The following PRKD1 variants were observed in gnomAD, a reference collection of about 807,000 sequenced individuals.
PRKD1 encodes the protein protein kinase D1.
PRKD1 carries 63 observed loss-of-function variants against 95.9 expected under a neutral mutation model. The observed-to-expected ratio is 0.66, with a 90% confidence interval of 0.54 to 0.81. PRKD1 has a LOEUF of 0.81. PRKD1 is among the 30% of genes least tolerant of loss of function. The pLI is 0.00. For missense variants in PRKD1, 1,048 were observed against 1,165.3 expected, an observed-to-expected ratio of 0.90 and a Z score of 1.47; for synonymous variants, 425 against 423.1, an observed-to-expected ratio of 1.00 and a Z score of -0.05.
intron 16 of PRKD1, among the ~76,000 whole-genome samples, chr14:29,595,890 A>G (rs1306842013): frequency 2.0e-5 from 3 of 152,236 alleles, no homozygotes; most frequent in African/African-American, 7.2e-5. Flanking sequence ...GGTTAGCTGT[A>G]TTTAGATGTA....
At chr14:29,909,306 G>A (rs748697629) in intron 1 of PRKD1, among the ~76,000 whole-genome samples, 2 of 72,382 alleles carry the variant, frequency 2.8e-5, no homozygotes, top group Non-Finnish European at 5.3e-5. Context: ...GCCCCCCATG[G>A]GCTCCTGCAC....
At chr14:29,786,724 T>G (rs964715261) in intron 1 of PRKD1, among the ~76,000 whole-genome samples, 7 of 152,116 alleles carry the variant, frequency 4.6e-5, no homozygotes, top group African/African-American at 1.7e-4. Flanking sequence ...TTGGGTTTTC[T>G]CTCTTGTTCT....
intron 1 of PRKD1, among the ~76,000 whole-genome samples, chr14:29,815,769 C>T (rs1394621488): frequency 6.6e-6 from 1 of 152,170 alleles, no homozygotes; most frequent in African/African-American, 2.4e-5. Flanking sequence ...TGTTTATTTT[C>T]CAGTAAACTA....
At chr14:29,845,000 A>G (rs1258934660) in intron 1 of PRKD1, among the ~76,000 whole-genome samples, 2 of 152,222 alleles carry the variant, frequency 1.3e-5, no homozygotes, top group Non-Finnish European at 2.9e-5. Flanking sequence ...GCAAGGAAAT[A>G]CAGTCTTTAC....
intron 2 of PRKD1, among the ~76,000 whole-genome samples, chr14:29,681,744 C>CT (rs1222316849): frequency 2.7e-4 from 41 of 152,132 alleles, no homozygotes; most frequent in African/African-American, 9.2e-4. Flanking sequence ...AAATAATAAA[C>CT]TGAGAAAGTT....
chr14:29,752,162 G>T (rs1887505540), intron 1 of PRKD1, among the ~76,000 whole-genome samples: 2 of 152,042 alleles, frequency 1.3e-5, no homozygotes, highest in Admixed American at 1.3e-4. Flanking sequence ...GATATATTTA[G>T]CTATACAGAA....
At chr14:29,661,430 T>C (rs1882183327) in intron 4 of PRKD1, among the ~76,000 whole-genome samples, 1 of 152,158 alleles carries the variant, frequency 6.6e-6, no homozygotes, top group South Asian at 2.1e-4. Flanking sequence ...TTTTAAACTA[T>C]AGTTATTGGT....
At chr14:29,656,483 C>A in intron 4 of PRKD1, 1 of 1,535,474 alleles carries the variant, frequency 6.5e-7, no homozygotes, top group Non-Finnish European at 8.7e-7. Context: ...TACCTCAAAG[C>A]CAGGACTCAC....
intron 1 of PRKD1, among the ~76,000 whole-genome samples, chr14:29,889,734 T>C (rs1425864714): frequency 6.6e-6 from 1 of 152,138 alleles, no homozygotes; most frequent in East Asian, 1.9e-4. Flanking sequence ...CATCAGAGCC[T>C]GCCGGATGTG....
intron 1 of PRKD1, among the ~76,000 whole-genome samples, chr14:29,841,465 G>T (rs997707135): frequency 6.6e-6 from 1 of 152,164 alleles, no homozygotes; most frequent in Non-Finnish European, 1.5e-5. Flanking sequence ...AATCATGAGG[G>T]TGGGTCTTTC....
intron 16 of PRKD1, among the ~76,000 whole-genome samples, chr14:29,596,610 C>T (rs1278638533): frequency 6.6e-6 from 1 of 152,140 alleles, no homozygotes; most frequent in Non-Finnish European, 1.5e-5. Context: ...CGTGCCACCA[C>T]GCTCAGCTAA....
At chr14:29,791,929 G>C (rs1239301488) in intron 1 of PRKD1, among the ~76,000 whole-genome samples, 1 of 152,094 alleles carries the variant, frequency 6.6e-6, no homozygotes, top group Non-Finnish European at 1.5e-5. Context: ...GTTTTCCAAA[G>C]TGATTGTGGT....
At chr14:29,626,723 T>TG (rs1243213217) in intron 11 of PRKD1, among the ~76,000 whole-genome samples, 167 bp from the exon 12 acceptor site, 1 of 150,844 alleles carries the variant, frequency 6.6e-6, no homozygotes, top group East Asian at 1.9e-4. Context: ...ACACTCTTTT[T>TG]TTTTTTTTTG....
intron 1 of PRKD1, among the ~76,000 whole-genome samples, chr14:29,902,074 G>A (rs1894339080): frequency 6.6e-6 from 1 of 151,986 alleles, no homozygotes; most frequent in Non-Finnish European, 1.5e-5. Flanking sequence ...GCATGTCTTG[G>A]AGCAAAATGC....
intron 1 of PRKD1, among the ~76,000 whole-genome samples, chr14:29,912,792 A>C (rs1003210270): frequency 1.3e-5 from 2 of 152,360 alleles, no homozygotes; most frequent in African/African-American, 4.8e-5. Flanking sequence ...ACTATGATAC[A>C]CAGTGTCACC....
chr14:29,926,036 G>C (rs1478623355), intron 1 of PRKD1, among the ~76,000 whole-genome samples: 1 of 152,158 alleles, frequency 6.6e-6, no homozygotes, highest in Non-Finnish European at 1.5e-5. Flanking sequence ...TAATATAAAA[G>C]TAAATTTCCA....
intron 1 of PRKD1, among the ~76,000 whole-genome samples, chr14:29,826,844 C>CATAT (rs1228527833): frequency 0.031 from 901 of 28,650 alleles, 167 homozygotes; most frequent in Admixed American, 0.053. Flanking sequence ...TATATACACA[C>CATAT]ATATATATAT....
At chr14:29,775,621 C>T (rs1010849370) in intron 1 of PRKD1, among the ~76,000 whole-genome samples, 2 of 152,146 alleles carry the variant, frequency 1.3e-5, no homozygotes, top group South Asian at 2.1e-4. Flanking sequence ...ATTGCTGAGG[C>T]TTGAGTAGGT....
intron 13 of PRKD1, among the ~76,000 whole-genome samples, chr14:29,612,231 A>G (rs1878519186): frequency 6.6e-6 from 1 of 152,204 alleles, no homozygotes; most frequent in Non-Finnish European, 1.5e-5. Context: ...ACATATTCTT[A>G]AAATTAAACA....
Sources: allele counts gnomAD v4.1 joint callset (sites outside exome capture counted in the v4.1 genomes callset), GRCh38; gene constraint gnomAD v4.1.1; transcripts MANE v1.5; gene names NCBI Gene and HGNC (gene_info 2026-07-23, HGNC 2026-07-21).